Variants in FTO observed in about 807,000 individuals in gnomAD.
FTO encodes FTO alpha-ketoglutarate dependent dioxygenase, also known as alpha-ketoglutarate-dependent dioxygenase FTO.
In FTO, 47 loss-of-function variants were observed where a neutral mutation model predicts 63.9. The observed-to-expected ratio is 0.74, with a 90% CI of 0.58 to 0.94. The LOEUF (loss-of-function observed/expected upper bound fraction) is 0.94, where lower values mean the gene tolerates loss of function less well. FTO is among the 40% of genes least tolerant of loss of function. The pLI is 0.00. For synonymous variants in FTO, 207 were observed against 224.4 expected, an observed-to-expected ratio of 0.92 and a Z score of 0.69; for missense variants, 562 against 618.1, an observed-to-expected ratio of 0.91 and a Z score of 0.96.
At position 53,783,604 on chromosome 16, in the gene FTO, T is replaced by TATCAAAAAA. The variant is rs397716766; in HGVS notation, c.46-26535_46-26534insTCAAAAAAA. On this transcript the variant is annotated intron_variant, in intron 1 of 8. Transcript: ENST00000471389. ...GCCTGGGTGACAGAGCAAGACTCCATAAAAAAAAAAAAAAAAAAAAAAAGT... is the reference window on the plus strand; with the variant it reads ...GCCTGGGTGACAGAGCAAGACTCCATATCAAAAAAAAAAAAAAAAAAAAAAAAAAAAAGT... Among the ~76,000 whole-genome samples the TATCAAAAAA allele has an allele frequency of 2.1e-3, 145 of 68,118 alleles. 16 individuals are homozygous for TATCAAAAAA. Among genetic ancestry groups the TATCAAAAAA allele is most frequent in the African/African-American group, 5.9e-3 (99 of 16,854 alleles). 44.7% of individuals were successfully genotyped at this position (68,118 alleles called of 152,430 possible). A position where few individuals can be genotyped will look rare whatever the true frequency, so the allele number is the denominator to read the frequency against.
At chr16:53,924,700 G>A (rs1453827269) in intron 7 of FTO, among the ~76,000 whole-genome samples, 1 of 152,178 alleles carries the variant, frequency 6.6e-6, no homozygotes, top group Non-Finnish European at 1.5e-5. Context: ...TCTTAGCCGA[G>A]GTCATCCAGG....
intron 8 of FTO, among the ~76,000 whole-genome samples, chr16:53,941,308 T>C (rs2082523967): frequency 6.6e-6 from 1 of 152,198 alleles, no homozygotes; most frequent in Non-Finnish European, 1.5e-5. Context: ...GAGGTGGTAG[T>C]TAATAAGAAT....
chr16:53,963,860 C>G (rs8060126), intron 8 of FTO, among the ~76,000 whole-genome samples: 114,196 of 151,990 alleles, frequency 0.75, 43,369 homozygotes, highest in East Asian at 0.9. Context: ...TCAAGTGATT[C>G]TCCTGCCTCA....
intron 3 of FTO, among the ~76,000 whole-genome samples, chr16:53,828,455 C>A (rs1279268793): frequency 1.3e-5 from 2 of 152,164 alleles, no homozygotes; most frequent in African/African-American, 2.4e-5. Context: ...GATCCGCCCA[C>A]CTCGGCCTCC....
intron 1 of FTO, among the ~76,000 whole-genome samples, chr16:53,705,408 A>G (rs919489164): frequency 6.6e-6 from 1 of 152,308 alleles, no homozygotes; most frequent in African/African-American, 2.4e-5. Context: ...TGGCCTTCTT[A>G]AAAGTCACTC....
chr16:53,711,955 G>A (rs1479426894), intron 1 of FTO, among the ~76,000 whole-genome samples: 1 of 152,152 alleles, frequency 6.6e-6, no homozygotes, highest in Non-Finnish European at 1.5e-5. Flanking sequence ...GCCAAATGCA[G>A]TGGCTTATAC....
chr16:53,876,921 C>T (rs571907986), intron 5 of FTO, among the ~76,000 whole-genome samples: 34 of 152,248 alleles, frequency 2.2e-4, no homozygotes, highest in African/African-American at 7.7e-4. Context: ...AGCAAGACTC[C>T]GTCTTCACAC....
At chr16:53,944,939 A>AT (rs1309433640) in intron 8 of FTO, among the ~76,000 whole-genome samples, 1 of 152,128 alleles carries the variant, frequency 6.6e-6, no homozygotes, top group Non-Finnish European at 1.5e-5. Context: ...ATATTGCAAA[A>AT]TTGGTGCAGG....
intron 1 of FTO, among the ~76,000 whole-genome samples, chr16:53,714,104 T>A (rs1386406207): frequency 6.6e-6 from 1 of 152,204 alleles, no homozygotes; most frequent in Non-Finnish European, 1.5e-5. Flanking sequence ...TTACAACTGG[T>A]AGAAACCAAG....
intron 7 of FTO, among the ~76,000 whole-genome samples, chr16:53,921,188 T>C (rs2151955187): frequency 6.6e-6 from 1 of 152,372 alleles, no homozygotes; most frequent in African/African-American, 2.4e-5. Context: ...AGCTGTCAGC[T>C]GGATCCTCTT....
intron 3 of FTO, among the ~76,000 whole-genome samples, chr16:53,827,035 C>G (rs911381149): frequency 3.3e-5 from 5 of 152,278 alleles, no homozygotes; most frequent in Admixed American, 1.3e-4. Flanking sequence ...ACTGTCCTTC[C>G]TTGCCAGAAG....
chr16:53,993,596 G>T (rs150563211), intron 8 of FTO: 1 of 152,144 alleles, frequency 6.6e-6, no homozygotes, highest in African/African-American at 2.4e-5. Flanking sequence ...TATTTGGGGG[G>T]TTTTATATTT....
rs149351392 is a variant in FTO at position 53,757,845 on chromosome 16, A to C, written c.46-52295A>C. Among the ~76,000 whole-genome samples, 619 of 152,282 alleles carry C rather than the reference A, an allele frequency of 4.1e-3. 4 individuals carry two copies. The highest frequency in any genetic ancestry group is 0.014 in the African/African-American group (600 of 41,564). On this transcript the variant is annotated intron_variant, in intron 1 of 8. Coordinates refer to ENST00000471389, the MANE Select transcript of FTO (RefSeq NM_001080432.3). The stretch of plus-strand genomic sequence containing the variant: ...GCATATGACTCTTTGAGAAGAGCTC[A>C]AACAGTTGTGGTAAGGGTGCTTAGA...
intron 8 of FTO, among the ~76,000 whole-genome samples, chr16:54,033,048 C>T (rs1599243025): frequency 6.6e-6 from 1 of 152,148 alleles, no homozygotes; most frequent in African/African-American, 2.4e-5. Context: ...GCCTGCAGAA[C>T]CATGAGTCAA....
intron 1 of FTO, among the ~76,000 whole-genome samples, chr16:53,710,266 C>CTTT (rs564940054): frequency 7.5e-6 from 1 of 132,864 alleles, no homozygotes; most frequent in Non-Finnish European, 1.6e-5. Context: ...CAGATTTTGC[C>CTTT]TTTTTTTTTT....
intron 8 of FTO, among the ~76,000 whole-genome samples, chr16:54,069,054 A>T (rs949043809): frequency 6.6e-6 from 1 of 152,108 alleles, no homozygotes; most frequent in African/African-American, 2.4e-5. Context: ...GATCATGATT[A>T]TTTTTTTACA....
chr16:53,934,228 C>A (rs747115216), intron 8 of FTO, 119 bp downstream of exon 8: 14 of 1,057,158 alleles, frequency 1.3e-5, no homozygotes, highest in Non-Finnish European at 2.0e-5. Flanking sequence ...AAAATAAGCA[C>A]GTTTAAGATG....
intron 8 of FTO, among the ~76,000 whole-genome samples, chr16:54,003,850 A>G (rs2084130625): frequency 6.6e-6 from 1 of 152,260 alleles, no homozygotes; most frequent in Non-Finnish European, 1.5e-5. Flanking sequence ...ACATCTCTTT[A>G]GTGGTTGCCA....
intron 8 of FTO, chr16:54,071,875 C>T (rs1388595913): frequency 6.6e-6 from 1 of 152,120 alleles, no homozygotes; most frequent in Non-Finnish European, 1.5e-5. Context: ...TATTCTAATT[C>T]TATGCATCAC....
Sources: gnomAD v4.1 joint callset for allele counts (sites outside exome capture counted in the v4.1 genomes callset) on GRCh38, gnomAD v4.1.1 for gene constraint, MANE v1.5 for transcripts, NCBI Gene and HGNC (gene_info 2026-07-23, HGNC 2026-07-21) for gene names.